TRAK1: variants seen among roughly 807,000 people sequenced by gnomAD.
The protein encoded by TRAK1 is trafficking kinesin protein 1, also known as trafficking kinesin-binding protein 1.
Under a neutral mutation model 92.1 loss-of-function variants are expected in TRAK1, and 33 were observed. That is an observed-to-expected ratio of 0.36 (90% CI 0.27 to 0.48). The LOEUF is 0.48. Ranked by LOEUF, TRAK1 falls within the 20% of genes least tolerant of loss-of-function variation. The pLI, the probability that TRAK1 is intolerant of heterozygous loss-of-function variation, is 0.99. For synonymous variants in TRAK1, 521 were observed against 517.3 expected (o/e 1.01, Z -0.10); for missense variants, 1,123 against 1,257.9 (o/e 0.89, Z 1.62).
intron 2 of TRAK1, among the ~76,000 whole-genome samples, chr3:42,168,988 T>A (rs1702205009): frequency 6.6e-6 from 1 of 152,158 alleles, no homozygotes; most frequent in Non-Finnish European, 1.5e-5. Context: ...CATGCCCGGC[T>A]AATTTTTGTA....
chr3:42,204,482 C>T (rs970885498), intron 13 of TRAK1, among the ~76,000 whole-genome samples: 5 of 152,166 alleles, frequency 3.3e-5, no homozygotes, highest in African/African-American at 1.2e-4. Flanking sequence ...TAAAACAATA[C>T]AATTAAAAAG....
intron 6 of TRAK1, among the ~76,000 whole-genome samples, chr3:42,191,304 CCT>C (rs1223323288): frequency 2.6e-5 from 4 of 152,182 alleles, no homozygotes; most frequent in Non-Finnish European, 5.9e-5. Flanking sequence ...CTGTAGAGCA[CCT>C]GTGCCCGTAG....
rs1011531139 is a variant in TRAK1 at position 42,188,506 on chromosome 3, C to A, written c.581+361C>A. Among the ~76,000 whole-genome samples, 4 of 152,186 alleles carry A rather than the reference C, an allele frequency of 2.6e-5. No individual in the cohort carries two copies. In the South Asian group the frequency reaches 8.3e-4, roughly 32 times the overall value. On this transcript the variant is annotated intron_variant, in intron 5 of 15. Transcript: ENST00000327628. ...CTTGGGACAGAAGGCGTGGTGTCTT[C>A]TCTGAGAGTCAGCAGATCCTCATGT...
chr3:42,033,166 C>T (rs1702212683), intron 1 of TRAK1, among the ~76,000 whole-genome samples: 1 of 152,188 alleles, frequency 6.6e-6, no homozygotes, highest in South Asian at 2.1e-4. Flanking sequence ...TTCAAGAGGA[C>T]AGCCGGTGCT....
rs546314969 is a variant in TRAK1 at position 42,065,589 on chromosome 3, C to G, written c.-518-21515C>G. 4.5e-4 allele frequency among the ~76,000 whole-genome samples: 69 copies of G among 151,904 alleles called. 1 individual carries two copies. The highest frequency in any genetic ancestry group is 9.2e-4 in the Admixed American group (14 of 15,252). On this transcript the variant is annotated intron_variant, in intron 1 of 16. Transcript: ENST00000487159. Reference sequence around the variant, plus strand: ...CAATATCAAACTGAATAGCCTTTACCCAACATAATTGGGCCACAGAATTGT... The same window carrying G: ...CAATATCAAACTGAATAGCCTTTACGCAACATAATTGGGCCACAGAATTGT...
chr3:42,059,419 A>G (rs1404704712), intron 1 of TRAK1, among the ~76,000 whole-genome samples: 1 of 152,218 alleles, frequency 6.6e-6, no homozygotes, highest in Non-Finnish European at 1.5e-5. Flanking sequence ...TTTTAGAAAG[A>G]TAATGACTTG....
Position 42,024,960 on chromosome 3 carries a change from C to A in TRAK1, c.-519+10843C>A, listed in dbSNP as rs565881888. ...AGTGCCAACGTGAGTCTCCTCTTGT[C>A]ACTTTCTGCTAGGCTTCCCCTTAGA... is the stretch of plus-strand genomic sequence containing the variant. On this transcript the variant is annotated intron_variant, in intron 1 of 16. Coordinates refer to the TRAK1 transcript ENST00000487159. Among the ~76,000 whole-genome samples the A allele has an allele frequency of 9.2e-5, 14 of 152,324 alleles. 1 individual carries two copies. In the South Asian group the frequency reaches 2.9e-3, roughly 32 times the overall value.
intron 15 of TRAK1, chr3:42,220,607 G>C: frequency 1.0e-6 from 1 of 985,392 alleles, no homozygotes; most frequent in Non-Finnish European, 1.2e-6. Flanking sequence ...CACACCGCCA[G>C]CAGTGCCTGC....
upstream of TRAK1, among the ~76,000 whole-genome samples, chr3:42,085,477 A>G (rs2148955897): frequency 6.6e-6 from 1 of 152,322 alleles, no homozygotes; most frequent in South Asian, 2.1e-4. Flanking sequence ...TCAAAAATCC[A>G]AAATTTGAAA....
chr3:42,201,641 A>G (rs1192026489), intron 12 of TRAK1, among the ~76,000 whole-genome samples: 1 of 151,696 alleles, frequency 6.6e-6, no homozygotes, highest in African/African-American at 2.4e-5. Context: ...TTTTTTGTTA[A>G]TCTTCACGGT....
At chr3:42,022,215 C>T (rs1385687664) in intron 1 of TRAK1, among the ~76,000 whole-genome samples, 1 of 152,128 alleles carries the variant, frequency 6.6e-6, no homozygotes, top group Non-Finnish European at 1.5e-5. Context: ...ATTCGAATAT[C>T]AAGACATTCC....
chr3:42,185,990 TTTTTTTTTTTG>T (rs1415782441), intron 4 of TRAK1, among the ~76,000 whole-genome samples: 3 of 87,736 alleles, frequency 3.4e-5, no homozygotes, highest in African/African-American at 3.9e-5. Context: ...TTTTTTTTTT[TTTTTTTTTTTG>T]AGATAAGGTC....
chr3:42,161,913 A>G (rs1701320847), intron 2 of TRAK1, among the ~76,000 whole-genome samples: 4 of 152,188 alleles, frequency 2.6e-5, no homozygotes, highest in Admixed American at 2.6e-4. Flanking sequence ...TTGTAGAACT[A>G]GGGCTCCCCC....
intron 2 of TRAK1, chr3:42,160,554 C>A: frequency 1.5e-6 from 2 of 1,308,896 alleles, no homozygotes; most frequent in Non-Finnish European, 2.1e-6. Flanking sequence ...GATTTCATAG[C>A]ACTGTTTTGT....
In TRAK1 at chr3:42,046,677, A is replaced by G. The variant is rs542385405; in HGVS notation, c.-519+32560A>G. On this transcript the variant is annotated intron_variant, in intron 1 of 16. Transcript: ENST00000487159. ...TTCTGAAGGGAGAAGATTAATCACT[A>G]TGTTTACCATTGTCAAGTCTGATGT... is the stretch of plus-strand genomic sequence containing the variant. 1.1e-3 allele frequency among the ~76,000 whole-genome samples: 164 copies of G among 152,322 alleles called. 1 individual carries two copies. Among genetic ancestry groups the G allele is most frequent in the African/African-American group, 3.1e-3 (128 of 41,576 alleles).
At chr3:42,193,704 A>G (rs1706161880) in intron 8 of TRAK1, 120 bp from the exon 9 acceptor site, 5 of 1,049,568 alleles carry the variant, frequency 4.8e-6, no homozygotes, top group South Asian at 2.6e-5. Context: ...GAATTTGAGT[A>G]TAAGATGAGC....
chr3:42,203,158 T>C (rs1707886381), intron 13 of TRAK1: 1 of 1,198,488 alleles, frequency 8.3e-7, no homozygotes, highest in Non-Finnish European at 1.0e-6. Flanking sequence ...TTCTGCAGTT[T>C]TGGTGTCGGG....
intron 1 of TRAK1, among the ~76,000 whole-genome samples, chr3:42,098,314 G>A (rs79580895): frequency 0.027 from 4,084 of 152,198 alleles, 206 homozygotes; most frequent in African/African-American, 0.094. Context: ...CTTAAGTACA[G>A]GCAGCAGGCA....
Position 42,209,996 on chromosome 3 carries a change from C to G in TRAK1, c.1963+11C>G. ...ACCCAGAGACCTCAGGTGAGAGGTCCCAAGCACGTGTGACTGTCTCAGGCA... is the reference window on the plus strand; with the variant it reads ...ACCCAGAGACCTCAGGTGAGAGGTCGCAAGCACGTGTGACTGTCTCAGGCA... On this transcript the variant is annotated intron_variant, in intron 14 of 15. Transcript: ENST00000327628. 6.2e-7 allele frequency: 1 copy of G among 1,614,170 alleles called. No individual in the cohort carries two copies. Among genetic ancestry groups the G allele is most frequent in the Non-Finnish European group, 8.5e-7 (1 of 1,180,042 alleles).
Sources: gnomAD v4.1 joint callset for allele counts (sites outside exome capture counted in the v4.1 genomes callset) on GRCh38, gnomAD v4.1.1 for gene constraint, MANE v1.5 for transcripts, NCBI Gene and HGNC (gene_info 2026-07-23, HGNC 2026-07-21) for gene names.